KIAA1217: variants seen among roughly 807,000 people sequenced by gnomAD.
The protein encoded by KIAA1217 is sickle tail protein homolog.
In KIAA1217, 88 loss-of-function variants were observed where a neutral mutation model predicts 163.9. The observed-to-expected ratio is 0.54, with a 90% CI of 0.45 to 0.64. The LOEUF is 0.64. KIAA1217 is among the 30% of genes least tolerant of loss of function. The probability of loss-of-function intolerance (pLI) is 0.00; values close to 1 mark genes in which losing one functional copy is unlikely to be tolerated. For missense variants in KIAA1217, 2,372 were observed against 2,475.0 expected, an observed-to-expected ratio of 0.96 and a Z score of 0.88; for synonymous variants, 903 against 923.1, an observed-to-expected ratio of 0.98 and a Z score of 0.39.
intron 1 of KIAA1217, among the ~76,000 whole-genome samples, chr10:23,807,384 G>A (rs928451546): frequency 3.3e-5 from 5 of 152,234 alleles, no homozygotes; most frequent in African/African-American, 1.2e-4. Context: ...CCTAAATGAA[G>A]TTTCTTGAAA....
intron 2 of KIAA1217, among the ~76,000 whole-genome samples, chr10:24,083,815 G>A (rs1333135593): frequency 1.3e-5 from 2 of 152,160 alleles, no homozygotes; most frequent in Non-Finnish European, 2.9e-5. Flanking sequence ...CTAGATTTCT[G>A]CCTTGTGTAA....
intron 1 of KIAA1217, among the ~76,000 whole-genome samples, chr10:23,722,098 CAAATACT>C (rs1837903493): frequency 6.6e-6 from 1 of 152,090 alleles, no homozygotes; most frequent in Non-Finnish European, 1.5e-5. Context: ...CACAGAAAGA[CAAATACT>C]GTATGAATCC....
intron 1 of KIAA1217, among the ~76,000 whole-genome samples, chr10:23,853,834 TG>T (rs1332821580): frequency 6.6e-6 from 1 of 152,216 alleles, no homozygotes; most frequent in East Asian, 1.9e-4. Context: ...GATGGTAGTT[TG>T]TATTTCTGTG....
chr10:24,339,644 A>G (rs1021654441), intron 2 of KIAA1217, among the ~76,000 whole-genome samples: 1 of 152,242 alleles, frequency 6.6e-6, no homozygotes, highest in African/African-American at 2.4e-5. Context: ...TCTATTAGGT[A>G]TCATTATCAC....
At chr10:23,828,061 C>T (rs930404709) in intron 1 of KIAA1217, among the ~76,000 whole-genome samples, 4 of 152,156 alleles carry the variant, frequency 2.6e-5, no homozygotes, top group East Asian at 1.9e-4. Context: ...AGCTAATTAA[C>T]GCTTATTGAT....
intron 2 of KIAA1217, among the ~76,000 whole-genome samples, chr10:24,244,196 C>T (rs2073473391): frequency 6.6e-6 from 1 of 152,106 alleles, no homozygotes; most frequent in Non-Finnish European, 1.5e-5. Context: ...TTGGAATTTT[C>T]ACAGAAATGA....
intron 1 of KIAA1217, among the ~76,000 whole-genome samples, chr10:23,742,642 A>G (rs1018759084): frequency 6.6e-6 from 1 of 152,212 alleles, no homozygotes; most frequent in African/African-American, 2.4e-5. Flanking sequence ...GCAAGAGCTC[A>G]CTTATCACCA....
chr10:24,234,640 CA>C (rs2071942809), intron 2 of KIAA1217, among the ~76,000 whole-genome samples: 1 of 100,824 alleles, frequency 9.9e-6, no homozygotes, highest in Non-Finnish European at 1.8e-5. Context: ...GCCTGGGTGA[CA>C]GAGCAAAACT....
chr10:24,296,226 C>T (rs1230594901), intron 2 of KIAA1217, among the ~76,000 whole-genome samples: 3 of 152,164 alleles, frequency 2.0e-5, no homozygotes, highest in Non-Finnish European at 2.9e-5. Context: ...CCCTCAGCCT[C>T]CTGAATAGTT....
rs79754854 is a variant in KIAA1217, at chr10:24,222,048, A to T, written c.354+2139A>T. ...CCTGTCAAAAATGGTATATTTTTCC[A>T]TGTCAAAAATAATGATTATTGTTAC... On this transcript the variant is annotated intron_variant, in intron 2 of 20. Transcript: ENST00000376454. Among the ~76,000 whole-genome samples, 546 of 152,362 alleles carry T rather than the reference A, an allele frequency of 3.6e-3. 12 individuals are homozygous for T. The East Asian group carries it at 0.054, about 15-fold the overall frequency.
intron 2 of KIAA1217, among the ~76,000 whole-genome samples, chr10:24,294,439 A>T (rs1172388115): frequency 6.6e-6 from 1 of 152,152 alleles, no homozygotes. Flanking sequence ...ACAGGGATTG[A>T]ACAACTGGCA....
intron 1 of KIAA1217, among the ~76,000 whole-genome samples, chr10:23,719,452 A>T (rs1210649907): frequency 6.6e-6 from 1 of 152,102 alleles, no homozygotes; most frequent in Non-Finnish European, 1.5e-5. Context: ...GTGGTGGCAC[A>T]CACCTATAGT....
chr10:24,333,982 T>C (rs755618038), intron 2 of KIAA1217, among the ~76,000 whole-genome samples: 2 of 152,208 alleles, frequency 1.3e-5, no homozygotes, highest in African/African-American at 2.4e-5. Flanking sequence ...GCATTTGCCC[T>C]ACATCAACTT....
At chr10:24,078,177 C>A (rs11599557) in intron 2 of KIAA1217, among the ~76,000 whole-genome samples, 11,744 of 152,118 alleles carry the variant, frequency 0.077, 841 homozygotes, top group African/African-American at 0.19. Flanking sequence ...AATAAAAACA[C>A]TTTTTAAAGG....
intron 3 of KIAA1217, among the ~76,000 whole-genome samples, 188 bp from the exon 4 acceptor site, chr10:24,432,807 G>A (rs894879076): frequency 1.3e-5 from 2 of 152,128 alleles, no homozygotes; most frequent in Non-Finnish European, 2.9e-5. Flanking sequence ...TTCAAAGAAC[G>A]AAGGTGAGTA....
At chr10:24,187,055 G>A (rs1025727282) in intron 2 of KIAA1217, among the ~76,000 whole-genome samples, 3 of 152,066 alleles carry the variant, frequency 2.0e-5, no homozygotes, top group South Asian at 2.1e-4. Flanking sequence ...TCATTTTTAC[G>A]ATGGTTTTAT....
intron 3 of KIAA1217, among the ~76,000 whole-genome samples, chr10:24,383,593 T>G (rs1422886691): frequency 6.6e-6 from 1 of 152,222 alleles, no homozygotes; most frequent in African/African-American, 2.4e-5. Context: ...GGCTGAAAAA[T>G]GCATCTGACC....
At chr10:24,523,578 A>C (rs2071630597) in intron 12 of KIAA1217, among the ~76,000 whole-genome samples, 1 of 152,226 alleles carries the variant, frequency 6.6e-6, no homozygotes, top group Non-Finnish European at 1.5e-5. Flanking sequence ...CTCACACATA[A>C]CTTTACAATG....
At chr10:24,293,514 T>G (rs2132509695) in intron 2 of KIAA1217, among the ~76,000 whole-genome samples, 1 of 152,152 alleles carries the variant, frequency 6.6e-6, no homozygotes, top group African/African-American at 2.4e-5. Flanking sequence ...ACAGATATGC[T>G]CAGGGACTTT....
Sources: allele counts gnomAD v4.1 joint callset (sites outside exome capture counted in the v4.1 genomes callset), GRCh38; gene constraint gnomAD v4.1.1; transcripts MANE v1.5; gene names NCBI Gene and HGNC (gene_info 2026-07-23, HGNC 2026-07-21).